ANKFY1: variants seen among roughly 807,000 people sequenced by gnomAD.
ANKFY1 encodes the protein ankyrin repeat and FYVE domain-containing protein 1.
A neutral mutation model predicts 128.3 loss-of-function variants in ANKFY1; 47 were observed. The ratio of observed to expected loss-of-function variants is 0.37; its 90% CI spans 0.29 to 0.47. The LOEUF is 0.47. Among genes scored for constraint, ANKFY1 ranks in the 20% least tolerant of loss-of-function variants. ANKFY1 has a pLI of 1.00. For missense variants in ANKFY1, 1,222 were observed against 1,510.6 expected (o/e 0.81, Z 3.17); for synonymous variants, 553 against 601.6 (o/e 0.92, Z 1.18).
chr17:4,211,739 A>G (rs891396664), intron 4 of ANKFY1, among the ~76,000 whole-genome samples: 1 of 152,002 alleles, frequency 6.6e-6, no homozygotes, highest in African/African-American at 2.4e-5. Flanking sequence ...GCATGGTAGC[A>G]TGTGCCTGTA....
chr17:4,243,521 A>C (rs1428708559), intron 1 of ANKFY1, among the ~76,000 whole-genome samples: 5 of 152,144 alleles, frequency 3.3e-5, no homozygotes, highest in Admixed American at 6.5e-5. Context: ...TGACAAGCCT[A>C]TGAGGTAGGT....
chr17:4,181,014 G>C lies in ANKFY1; in HGVS notation c.2240+240C>G. On this transcript the variant is annotated intron_variant, in intron 16 of 24. Coordinates refer to ENST00000341657, the MANE Select transcript of ANKFY1 (RefSeq NM_001330063.2). The surrounding 1 kb of genome is among the most constrained non-coding windows in gnomAD (Gnocchi z 4.9). The stretch of plus-strand genomic sequence containing the variant: ...TACAGGAGCTCAGGCAGCTCCCAAA[G>C]CAGGACGCTGACTCCAGCTTTCAGA... The C allele has an allele frequency of 2.1e-6, 1 of 468,130 alleles. No individual in the cohort carries two copies. Among genetic ancestry groups the C allele is most frequent in the Non-Finnish European group, 3.9e-6 (1 of 254,886 alleles). 29.0% of individuals were successfully genotyped at this position (468,130 alleles called of 1,614,324 possible). A position where few individuals can be genotyped will look rare whatever the true frequency, so the allele number is the denominator to read the frequency against.
chr17:4,219,766 T>C (rs549643155), intron 3 of ANKFY1, among the ~76,000 whole-genome samples: 34 of 152,318 alleles, frequency 2.2e-4, no homozygotes, highest in Admixed American at 7.2e-4. Flanking sequence ...ATGATAATAT[T>C]GTAGTTACTA....
intron 4 of ANKFY1, among the ~76,000 whole-genome samples, chr17:4,214,124 C>T (rs140240918): frequency 2.0e-5 from 3 of 152,350 alleles, no homozygotes; most frequent in African/African-American, 4.8e-5. Context: ...AGTAATAACT[C>T]ACATTTGCAG....
At chr17:4,207,395 C>T (rs958769919) in intron 6 of ANKFY1, among the ~76,000 whole-genome samples, 3 of 152,146 alleles carry the variant, frequency 2.0e-5, no homozygotes, top group South Asian at 4.2e-4. Context: ...GAATGGCCCT[C>T]GGCTGACAGC....
rs555828517 is a variant in ANKFY1 at position 4,223,949 on chromosome 17, T to C, written c.323-6831A>G. 5.0e-5 allele frequency: 28 copies of C among 561,516 alleles called. 1 individual carries two copies. Among genetic ancestry groups the C allele is most frequent in the Non-Finnish European group, 8.8e-5 (28 of 317,470 alleles). The allele number at this position is 561,516 out of a possible 1,614,324, so 34.8% of individuals were successfully genotyped here. ...AGAACACTGTGCCTCAGCAATGCTT[T>C]AGAATCTGAACTTTTTAAGACAGAC... On this transcript the variant is annotated intron_variant, in intron 3 of 24. Transcript: ENST00000341657.
chr17:4,244,879 T>C (rs1269066161), intron 1 of ANKFY1, among the ~76,000 whole-genome samples: 1 of 152,120 alleles, frequency 6.6e-6, no homozygotes, highest in African/African-American at 2.4e-5. Context: ...TTTAAGTCTC[T>C]TATCTATTAA....
chr17:4,223,264 G>A (rs2143115742), intron 3 of ANKFY1: 1 of 864,516 alleles, frequency 1.2e-6, no homozygotes, highest in Non-Finnish European at 2.0e-6. Flanking sequence ...TGCCTTACAT[G>A]AACTGAGGGA....
At position 4,210,013 on chromosome 17, in the gene ANKFY1, G is replaced by C. The variant is rs1312623984; in HGVS notation, c.459-66C>G. ...ATAATTCACAAACGAACAAACCAAA[G>C]CGATCATCTTTGTACTGGCTGGCTA... On this transcript the variant is annotated intron_variant, in intron 4 of 24. Coordinates refer to ENST00000341657, the MANE Select transcript of ANKFY1 (RefSeq NM_001330063.2). The C allele has an allele frequency of 2.6e-6, 4 of 1,518,590 alleles. No homozygotes were observed. In the African/African-American group the frequency reaches 5.5e-5, roughly 21 times the overall value. The allele number at this position is 1,518,590 out of a possible 1,614,324, so 94.1% of individuals were successfully genotyped here. A position where few individuals can be genotyped will look rare whatever the true frequency, so the allele number is the denominator to read the frequency against.
At chr17:4,247,889 C>T (rs1370816269) in intron 1 of ANKFY1, among the ~76,000 whole-genome samples, 1 of 152,204 alleles carries the variant, frequency 6.6e-6, no homozygotes, top group Non-Finnish European at 1.5e-5. Flanking sequence ...CCTTAGAATA[C>T]AACCTGCTCT....
Position 4,263,952 on chromosome 17 carries a change from G to C in ANKFY1, c.-11C>G. 6.2e-7 allele frequency: 1 copy of C among 1,614,000 alleles called. No individual in the cohort carries two copies. The highest frequency in any genetic ancestry group is 8.5e-7 in the Non-Finnish European group (1 of 1,179,952). On this transcript the variant is annotated 5_prime_UTR_variant, in exon 1 of 25. Transcript: ENST00000341657. ...CCTACCTTCCGCCATGTCTGGCCCGGCACTGCCTGCAACCTCGCGAGAAGT... is the reference window on the plus strand; with the variant it reads ...CCTACCTTCCGCCATGTCTGGCCCGCCACTGCCTGCAACCTCGCGAGAAGT...
chr17:4,200,445 A>G (rs904566694), intron 7 of ANKFY1, among the ~76,000 whole-genome samples: 1 of 152,116 alleles, frequency 6.6e-6, no homozygotes, highest in Non-Finnish European at 1.5e-5. Context: ...CCCATGTGTG[A>G]CTCTGATGGG....
At chr17:4,256,167 G>A (rs1451960121) in intron 1 of ANKFY1, among the ~76,000 whole-genome samples, 3 of 150,426 alleles carry the variant, frequency 2.0e-5, no homozygotes, top group South Asian at 2.2e-4. Flanking sequence ...GGTGGCTCAT[G>A]CCTGTAATCC....
chr17:4,235,333 T>C (rs1289048977), intron 3 of ANKFY1, among the ~76,000 whole-genome samples: 2 of 100,402 alleles, frequency 2.0e-5, no homozygotes, highest in South Asian at 8.4e-4. Context: ...AGAGTGAGAC[T>C]CTGTCTCAAA....
intron 3 of ANKFY1, among the ~76,000 whole-genome samples, chr17:4,230,487 T>C (rs918371586): frequency 3.6e-4 from 55 of 152,362 alleles, no homozygotes; most frequent in African/African-American, 1.3e-3. Flanking sequence ...CAGATCATTT[T>C]GCTAGAAGCA....
At position 4,163,911 on chromosome 17, in the gene ANKFY1, A is replaced by G. The variant is rs1464757284; in HGVS notation, c.*3868T>C. 6.6e-6 allele frequency: 1 copy of G among 152,666 alleles called. No individual in the cohort carries two copies. The highest frequency in any genetic ancestry group is 1.5e-5 in the Non-Finnish European group (1 of 68,044). The allele number at this position is 152,666 out of a possible 1,614,324, so 9.5% of individuals were successfully genotyped here. A position where few individuals can be genotyped will look rare whatever the true frequency, so the allele number is the denominator to read the frequency against. ...TTAAAGTTTCCACTTTAAATGCACAATTTTACTTCATTTTATTATAAGGAA... is the reference window on the plus strand; with the variant it reads ...TTAAAGTTTCCACTTTAAATGCACAGTTTTACTTCATTTTATTATAAGGAA... On this transcript the variant is annotated 3_prime_UTR_variant, in exon 25 of 25. Transcript: ENST00000341657.
chr17:4,219,429 C>T (rs2060273142), intron 3 of ANKFY1, among the ~76,000 whole-genome samples: 1 of 152,188 alleles, frequency 6.6e-6, no homozygotes, highest in South Asian at 2.1e-4. Context: ...AGATGGGGCC[C>T]AGCACATGTC....
intron 1 of ANKFY1, among the ~76,000 whole-genome samples, chr17:4,244,433 A>T (rs970547618): frequency 2.0e-4 from 30 of 152,122 alleles, no homozygotes. Flanking sequence ...GAGTCTTGAG[A>T]AGGGATGAGA....
intron 4 of ANKFY1, among the ~76,000 whole-genome samples, chr17:4,213,670 G>A (rs751530475): frequency 1.3e-4 from 19 of 150,362 alleles, no homozygotes; most frequent in East Asian, 1.2e-3. Context: ...AGGTTCATGC[G>A]ATTCTCCTGT....
Sources: gnomAD v4.1 joint callset for allele counts (sites outside exome capture counted in the v4.1 genomes callset) on GRCh38, gnomAD v4.1.1 for gene constraint, Gnocchi (gnomAD v3.1) non-coding constraint, MANE v1.5 for transcripts, NCBI Gene and HGNC (gene_info 2026-07-23, HGNC 2026-07-21) for gene names.